Variants in MYO1E observed in about 807,000 individuals in gnomAD.
The protein encoded by MYO1E is unconventional myosin-Ie.
Under a neutral mutation model 151.1 loss-of-function variants are expected in MYO1E, and 68 were observed. That is an observed-to-expected ratio of 0.45 (90% CI 0.37 to 0.55). The LOEUF is 0.55. MYO1E is among the 20% of genes least tolerant of loss of function. The probability of loss-of-function intolerance (pLI) is 0.00; values close to 1 mark genes in which losing one functional copy is unlikely to be tolerated. For missense variants in MYO1E, 1,363 were observed against 1,389.3 expected (o/e 0.98, Z 0.30); for synonymous variants, 601 against 501.7 (o/e 1.20, Z -2.64).
At chr15:59,174,021 T>C in intron 20 of MYO1E, 105 bp downstream of exon 20, 1 of 1,495,146 alleles carries the variant, frequency 6.7e-7, no homozygotes, top group Non-Finnish European at 9.3e-7. Flanking sequence ...GCAATATTTT[T>C]AGCGTGACAT....
chr15:59,337,831 C>CA (rs1358247786), intron 1 of MYO1E, among the ~76,000 whole-genome samples: 8 of 150,622 alleles, frequency 5.3e-5, no homozygotes, highest in South Asian at 2.1e-4. Context: ...GACTCCATCT[C>CA]AAAAAAGAAA....
At chr15:59,190,622 T>A (rs1446932506) in intron 17 of MYO1E, among the ~76,000 whole-genome samples, 1 of 152,210 alleles carries the variant, frequency 6.6e-6, no homozygotes, top group Non-Finnish European at 1.5e-5. Context: ...GGTGCTGCAT[T>A]CCTGCTGCGC....
Position 59,173,908 on chromosome 15 carries a change from G to T in MYO1E, c.2172C>A (p.Asp724Glu). ...TTCTCTCCTTCTTGTTCAATAAGAG[G>T]TCTGAGGCTACAATTCCCAAGAGGG... is the stretch of plus-strand genomic sequence containing the variant. ...KYVQMREEAS[D>E]LLLNKKERRR... The change falls in exon 21 of 28, where the codon GAC (aspartate) becomes GAA (glutamate). Residue 724 changes from aspartate (D) to glutamate (E), a missense_variant. By Grantham distance (45) the Asp-to-Glu change is conservative. Coordinates refer to ENST00000288235, the MANE Select transcript of MYO1E (RefSeq NM_004998.4). The T allele has an allele frequency of 6.2e-7, 1 of 1,614,086 alleles. No individual in the cohort carries two copies. The highest frequency in any genetic ancestry group is 2.2e-5 in the East Asian group (1 of 44,882).
chr15:59,198,442 C>T (rs368965584), intron 16 of MYO1E, among the ~76,000 whole-genome samples: 1 of 152,174 alleles, frequency 6.6e-6, no homozygotes, highest in South Asian at 2.1e-4. Context: ...TTCTCTGGTC[C>T]TCAGTTCTCT....
chr15:59,264,079 C>A (rs1566995806), intron 2 of MYO1E, among the ~76,000 whole-genome samples: 1 of 152,108 alleles, frequency 6.6e-6, no homozygotes, highest in Non-Finnish European at 1.5e-5. Context: ...GCAGATTGTG[C>A]TTTTTTTCAT....
chr15:59,262,496 C>T (rs548343267), intron 2 of MYO1E, among the ~76,000 whole-genome samples: 194 of 151,968 alleles, frequency 1.3e-3, no homozygotes, highest in Admixed American at 1.1e-3. Context: ...GGCATGGGGG[C>T]GTGTGCCTGC....
At chr15:59,184,299 G>A (rs141637361) in intron 18 of MYO1E, among the ~76,000 whole-genome samples, 92 of 149,130 alleles carry the variant, frequency 6.2e-4, no homozygotes, top group African/African-American at 1.9e-3. Flanking sequence ...GAGCCACTGC[G>A]CCTGGCCTGG....
rs1050411914 is a variant in MYO1E at position 59,331,886 on chromosome 15, C to T, written c.3+40612G>A. On this transcript the variant is annotated intron_variant, in intron 1 of 27. Coordinates refer to ENST00000288235, the MANE Select transcript of MYO1E (RefSeq NM_004998.4). ...CATGGTTTGATTTCACTGCATGCAG[C>T]TCTCTTTTATTATTGCAGGGCAAGG... 8.9e-4 allele frequency among the ~76,000 whole-genome samples: 135 copies of T among 152,298 alleles called. 1 individual carries two copies. The highest frequency in any genetic ancestry group is 3.1e-3 in the African/African-American group (130 of 41,568).
rs771796243 is a variant in MYO1E at position 59,372,570 on chromosome 15, T to G, written c.-70A>C. The G allele has an allele frequency of 3.8e-5, 58 of 1,521,456 alleles. No individual in the cohort carries two copies. The highest frequency in any genetic ancestry group is 1.9e-4 in the Middle Eastern group (1 of 5,326). 94.2% of individuals were successfully genotyped at this position (1,521,456 alleles called of 1,614,324 possible). ...GGGAACTGGGGCTGGAACGCAGTCT[T>G]CTGGGCGAACTTCAAAAGTTGGTTC... On this transcript the variant is annotated 5_prime_UTR_variant, in exon 1 of 28. Transcript: ENST00000288235.
chr15:59,335,018 T>G (rs1330875216), intron 1 of MYO1E, among the ~76,000 whole-genome samples: 2 of 152,182 alleles, frequency 1.3e-5, no homozygotes, highest in Non-Finnish European at 2.9e-5. Flanking sequence ...CCTGAAGAAG[T>G]TCTAACACAT....
At position 59,216,683 on chromosome 15, in the gene MYO1E, TATACACATACACAC is replaced by T. The variant is rs1432975600; in HGVS notation, c.1107+1194_1107+1207del. ...GTGTATGTGTATATATATATATATA[TATACACATACACAC>T]ACACACACACACACACACACACACA... On this transcript the variant is annotated intron_variant, in intron 10 of 27. Coordinates refer to ENST00000288235, the MANE Select transcript of MYO1E (RefSeq NM_004998.4). Among the ~76,000 whole-genome samples, 48 of 27,494 alleles carry T rather than the reference TATACACATACACAC, an allele frequency of 1.7e-3. 1 individual carries two copies. The highest frequency in any genetic ancestry group is 5.2e-3 in the African/African-American group (40 of 7,688). 18.0% of individuals were successfully genotyped at this position (27,494 alleles called of 152,430 possible). A position where few individuals can be genotyped will look rare whatever the true frequency, so the allele number is the denominator to read the frequency against.
intron 19 of MYO1E, among the ~76,000 whole-genome samples, chr15:59,175,848 ATTTCTT>A (rs1472349329): frequency 6.6e-6 from 1 of 152,098 alleles, no homozygotes; most frequent in African/African-American, 2.4e-5. Context: ...TGGATTTTAG[ATTTCTT>A]TTTAAAAGCC....
At chr15:59,317,984 G>A (rs559825539) in intron 1 of MYO1E, among the ~76,000 whole-genome samples, 1 of 152,188 alleles carries the variant, frequency 6.6e-6, no homozygotes, top group Non-Finnish European at 1.5e-5. Context: ...CATAGAGCCA[G>A]AATTCAAACG....
chr15:59,270,027 G>A (rs2080280005), intron 2 of MYO1E, among the ~76,000 whole-genome samples: 2 of 152,084 alleles, frequency 1.3e-5, no homozygotes, highest in Non-Finnish European at 2.9e-5. Context: ...AATGAGCATG[G>A]CTGTGTTCCA....
chr15:59,209,813 ACC>A lies in MYO1E; in HGVS notation c.1362+699_1362+700del, dbSNP rs2079866415. ...TTCTGTATCACTTTTATTTTGAATC[ACC>A]TTTTTTTTTTTTTTTTTTTTTTTTT... is the stretch of plus-strand genomic sequence containing the variant. On this transcript the variant is annotated intron_variant, in intron 13 of 27. Transcript: ENST00000288235. Among the ~76,000 whole-genome samples, 4 of 71,164 alleles carry A rather than the reference ACC, an allele frequency of 5.6e-5. 1 individual carries two copies. Among genetic ancestry groups the A allele is most frequent in the East Asian group, 3.3e-4 (1 of 3,006 alleles). 46.7% of individuals were successfully genotyped at this position (71,164 alleles called of 152,430 possible). A position where few individuals can be genotyped will look rare whatever the true frequency, so the allele number is the denominator to read the frequency against.
intron 26 of MYO1E, 43 bp from the exon 27 acceptor site, chr15:59,138,410 G>GGCA (rs763534506): frequency 6.2e-7 from 1 of 1,608,504 alleles, no homozygotes; most frequent in Non-Finnish European, 8.5e-7. Flanking sequence ...CCCAACAGGG[G>GGCA]GCAGCAGCAC....
At chr15:59,322,532 T>C (rs562043606) in intron 1 of MYO1E, among the ~76,000 whole-genome samples, 2 of 152,252 alleles carry the variant, frequency 1.3e-5, no homozygotes, top group East Asian at 3.9e-4. Context: ...CATATGAGTG[T>C]TTAGTCAAGT....
At chr15:59,211,370 GTCTT>G (rs1190456411) in intron 12 of MYO1E, among the ~76,000 whole-genome samples, 1 of 151,968 alleles carries the variant, frequency 6.6e-6, no homozygotes, top group Non-Finnish European at 1.5e-5. Context: ...CCTTTGCCAG[GTCTT>G]TCTTATTTCC....
chr15:59,367,408 G>C (rs2080920662), intron 1 of MYO1E, among the ~76,000 whole-genome samples: 1 of 152,196 alleles, frequency 6.6e-6, no homozygotes, highest in African/African-American at 2.4e-5. Flanking sequence ...TCCATCATGT[G>C]ACATTGGAGG....
Sources: gnomAD v4.1 joint callset for allele counts (sites outside exome capture counted in the v4.1 genomes callset) on GRCh38, gnomAD v4.1.1 for gene constraint, MANE v1.5 for transcripts, NCBI Gene and HGNC (gene_info 2026-07-23, HGNC 2026-07-21) for gene names.